Variants in CCDC7 observed in about 807,000 individuals in gnomAD.
The protein encoded by CCDC7 is coiled-coil domain-containing protein 7.
CCDC7 carries 183 observed loss-of-function variants against 196.9 expected under a neutral mutation model. That is an observed-to-expected ratio of 0.93 (90% CI 0.82 to 1.05). The LOEUF (loss-of-function observed/expected upper bound fraction) is 1.05, where lower values mean the gene tolerates loss of function less well. Among genes scored for constraint, CCDC7 ranks in the 50% least tolerant of loss-of-function variants. The probability of loss-of-function intolerance (pLI) is 0.00; values close to 1 mark genes in which losing one functional copy is unlikely to be tolerated. For synonymous variants in CCDC7, 525 were observed against 484.6 expected (o/e 1.08, Z -1.10); for missense variants, 1,540 against 1,482.2 (o/e 1.04, Z -0.64).
chr10:32,765,671 G>A (rs2078173412), intron 28 of CCDC7, among the ~76,000 whole-genome samples: 1 of 152,008 alleles, frequency 6.6e-6, no homozygotes, highest in Non-Finnish European at 1.5e-5. Context: ...TGTAGAGGTT[G>A]TGATTTCAAC....
intron 29 of CCDC7, among the ~76,000 whole-genome samples, chr10:32,794,910 G>A (rs1465835331): frequency 6.6e-6 from 1 of 152,124 alleles, no homozygotes; most frequent in African/African-American, 2.4e-5. Flanking sequence ...AGGTATGGCA[G>A]CCTACTCAGG....
chr10:32,816,417 A>T (rs2088566935), intron 31 of CCDC7, among the ~76,000 whole-genome samples: 1 of 152,216 alleles, frequency 6.6e-6, no homozygotes, highest in South Asian at 2.1e-4. Context: ...GGGGCAGGGC[A>T]TTGCCAAACA....
At chr10:32,673,146 G>T (rs758402177) in intron 21 of CCDC7, among the ~76,000 whole-genome samples, 11 of 152,176 alleles carry the variant, frequency 7.2e-5, no homozygotes, top group Middle Eastern at 3.4e-3. Flanking sequence ...TTACATTGGT[G>T]TATATGTCTT....
At chr10:32,663,967 A>G in intron 20 of CCDC7, 87 bp from the exon 22 acceptor site, 1 of 382,936 alleles carries the variant, frequency 2.6e-6, no homozygotes, top group Non-Finnish European at 4.6e-6. Context: ...ATGAGACAGA[A>G]TATGGCTGTA....
chr10:32,696,594 G>C (rs899386524), intron 24 of CCDC7, among the ~76,000 whole-genome samples: 6 of 152,024 alleles, frequency 3.9e-5, no homozygotes, highest in Non-Finnish European at 8.8e-5. Flanking sequence ...ATAGGGGCCA[G>C]CACTGGGCAG....
intron 20 of CCDC7, among the ~76,000 whole-genome samples, chr10:32,659,870 T>C (rs768858839): frequency 6.6e-6 from 1 of 152,072 alleles, no homozygotes; most frequent in Non-Finnish European, 1.5e-5. Context: ...TTATACACAG[T>C]TGGTGGGAGT....
At chr10:32,730,518 A>G (rs1360166084) in intron 28 of CCDC7, among the ~76,000 whole-genome samples, 2 of 151,948 alleles carry the variant, frequency 1.3e-5, no homozygotes, top group African/African-American at 4.8e-5. Context: ...TAAATATACA[A>G]GTATTTGTAA....
intron 24 of CCDC7, among the ~76,000 whole-genome samples, chr10:32,697,824 G>A (rs117729764): frequency 0.037 from 5,562 of 152,302 alleles, 110 homozygotes; most frequent in Non-Finnish European, 0.05. Context: ...GACAGCAGTG[G>A]TTCTCCGTGC....
At chr10:32,586,323 C>T (rs3006737) in intron 18 of CCDC7, among the ~76,000 whole-genome samples, 140,518 of 152,248 alleles carry the variant, frequency 0.92, 65,847 homozygotes, top group East Asian at 1. Context: ...ATTCTGTAGG[C>T]TGCTTGTTCA....
At chr10:32,658,022 A>C (rs964568418) in intron 20 of CCDC7, among the ~76,000 whole-genome samples, 5 of 152,180 alleles carry the variant, frequency 3.3e-5, no homozygotes, top group Non-Finnish European at 7.3e-5. Context: ...TCTCCATCTG[A>C]GACCACCTCA....
chr10:32,880,641 A>G (rs1453521870), downstream of CCDC7, among the ~76,000 whole-genome samples: 2 of 152,162 alleles, frequency 1.3e-5, no homozygotes, highest in African/African-American at 4.8e-5. Flanking sequence ...GAATGGTATT[A>G]CCTAGATTTT....
Position 32,500,290 on chromosome 10 carries a change from C to T in CCDC7, c.872+8293C>T, listed in dbSNP as rs901834614. On this transcript the variant is annotated intron_variant, in intron 9 of 41. Coordinates refer to ENST00000639629, the Ensembl canonical transcript of CCDC7. The stretch of plus-strand genomic sequence containing the variant: ...GTGGAGACGCTCCTCACCTCCCAGA[C>T]GGGGCAGCTGCTGGGCGGAGGGGCT... Among the ~76,000 whole-genome samples the T allele has an allele frequency of 5.3e-4, 80 of 150,580 alleles. 1 individual carries two copies. The highest frequency in any genetic ancestry group is 1.5e-3 in the Admixed American group (22 of 15,134).
intron 8 of CCDC7, among the ~76,000 whole-genome samples, chr10:32,485,504 C>T (rs1166349160): frequency 2.0e-5 from 3 of 152,114 alleles, no homozygotes; most frequent in Non-Finnish European, 4.4e-5. Flanking sequence ...TTCAGTTCTG[C>T]TCTGATCTTA....
At chr10:32,689,712 C>T (rs191131455) in intron 23 of CCDC7, among the ~76,000 whole-genome samples, 143 of 151,568 alleles carry the variant, frequency 9.4e-4, no homozygotes, top group African/African-American at 3.2e-3. Flanking sequence ...GTGTATTTAT[C>T]GAAACAGTTC....
intron 26 of CCDC7, among the ~76,000 whole-genome samples, chr10:32,728,278 AT>A (rs1247487078): frequency 1.1e-4 from 16 of 152,218 alleles, no homozygotes; most frequent in African/African-American, 3.9e-4. Flanking sequence ...TTTTAAAAAA[AT>A]CCCTTATAAT....
intron 32 of CCDC7, among the ~76,000 whole-genome samples, chr10:32,829,822 A>C (rs1197754559): frequency 6.6e-6 from 1 of 151,848 alleles, no homozygotes; most frequent in Non-Finnish European, 1.5e-5. Context: ...TAGACTGGAA[A>C]GGCAGACCCA....
intron 29 of CCDC7, among the ~76,000 whole-genome samples, chr10:32,796,580 G>A (rs930907063): frequency 6.6e-6 from 1 of 152,178 alleles, no homozygotes; most frequent in Non-Finnish European, 1.5e-5. Flanking sequence ...TCTGTGCAGA[G>A]AATAGATCTT....
At chr10:32,734,657 G>T (rs2084554340) in intron 28 of CCDC7, among the ~76,000 whole-genome samples, 1 of 152,188 alleles carries the variant, frequency 6.6e-6, no homozygotes, top group Admixed American at 6.5e-5. Flanking sequence ...CACTTTGGGA[G>T]GCTGAGGCGG....
chr10:32,518,319 T>G (rs2047369246), intron 10 of CCDC7, 97 bp from the exon 12 acceptor site: 7 of 1,269,198 alleles, frequency 5.5e-6, no homozygotes, highest in Non-Finnish European at 7.4e-6. Context: ...TTTCATGAGT[T>G]AATGAAGACT....
Sources: allele counts gnomAD v4.1 joint callset (sites outside exome capture counted in the v4.1 genomes callset), GRCh38; gene constraint gnomAD v4.1.1; transcripts MANE v1.5; gene names NCBI Gene and HGNC (gene_info 2026-07-23, HGNC 2026-07-21).